The following GRIP1 variants were observed in gnomAD, a reference collection of about 807,000 sequenced individuals.
The protein encoded by GRIP1 is glutamate receptor-interacting protein 1.
Under a neutral mutation model 129.9 loss-of-function variants are expected in GRIP1, and 45 were observed. That is an observed-to-expected ratio of 0.35 (90% CI 0.27 to 0.44). The LOEUF is 0.44. Ranked by LOEUF, GRIP1 falls within the 20% of genes least tolerant of loss-of-function variation. The probability of loss-of-function intolerance (pLI) is 1.00; values close to 1 mark genes in which losing one functional copy is unlikely to be tolerated. For missense variants in GRIP1, 1,196 were observed against 1,396.8 expected, an observed-to-expected ratio of 0.86 and a Z score of 2.29; for synonymous variants, 530 against 520.8, an observed-to-expected ratio of 1.02 and a Z score of -0.24.
rs1024751194 is a variant in GRIP1, at chr12:66,488,357, C to T, written c.725-22935G>A. ...ACACAACTACTTGAAAATTTAACAA[C>T]CTGCTCCTGAGTGACCCTTGGGTAT... On this transcript the variant is annotated intron_variant, in intron 7 of 24. Coordinates refer to ENST00000359742, the MANE Select transcript of GRIP1 (RefSeq NM_001366722.1). 1.7e-4 allele frequency among the ~76,000 whole-genome samples: 26 copies of T among 152,144 alleles called. 1 individual carries two copies. The highest frequency in any genetic ancestry group is 5.5e-4 in the African/African-American group (23 of 41,446).
In GRIP1 at chr12:66,373,632, T is replaced by C. The variant is rs760272314; in HGVS notation, c.2779-1705A>G. On this transcript the variant is annotated intron_variant, in intron 22 of 24. Transcript: ENST00000359742. ...AACAACAGCCAAGTGTTGGCACACA[T>C]GTGCATATATCTAACAACTTTGTTG... Among the ~76,000 whole-genome samples the C allele has an allele frequency of 9.2e-5, 14 of 152,192 alleles. 1 individual carries two copies. Among genetic ancestry groups the C allele is most frequent in the Non-Finnish European group, 2.1e-4 (14 of 68,032 alleles).
intron 1 of GRIP1, among the ~76,000 whole-genome samples, chr12:66,653,955 C>T (rs1309896028): frequency 2.0e-5 from 3 of 152,090 alleles, no homozygotes; most frequent in African/African-American, 7.2e-5. Flanking sequence ...GACTAAAAGC[C>T]TTTCACATGC....
chr12:66,991,557 T>C (rs2135642732), intron 1 of GRIP1, among the ~76,000 whole-genome samples: 1 of 152,288 alleles, frequency 6.6e-6, no homozygotes, highest in East Asian at 1.9e-4. Flanking sequence ...TCTGCAAACA[T>C]CCATCATTTC....
intron 1 of GRIP1, among the ~76,000 whole-genome samples, chr12:66,728,914 C>T (rs1225032232): frequency 6.6e-6 from 1 of 152,156 alleles, no homozygotes; most frequent in African/African-American, 2.4e-5. Context: ...CCCTTCCTCC[C>T]TTCCTTTCTT....
chr12:66,538,571 T>C (rs1363203369), intron 4 of GRIP1, among the ~76,000 whole-genome samples: 2 of 152,168 alleles, frequency 1.3e-5, no homozygotes, highest in Non-Finnish European at 2.9e-5. Context: ...GAGATTGGCA[T>C]ATTGATATAA....
intron 1 of GRIP1, among the ~76,000 whole-genome samples, chr12:66,867,627 C>G (rs2040228611): frequency 6.6e-6 from 1 of 152,020 alleles, no homozygotes; most frequent in South Asian, 2.1e-4. Flanking sequence ...ATAATAAAAA[C>G]AAAATTATTA....
At chr12:67,024,651 A>G (rs1001012112) in intron 1 of GRIP1, among the ~76,000 whole-genome samples, 1 of 152,232 alleles carries the variant, frequency 6.6e-6, no homozygotes, top group African/African-American at 2.4e-5. Flanking sequence ...GTAGATAGGA[A>G]AAGTATTACG....
intron 7 of GRIP1, 92 bp from the exon 8 acceptor site, chr12:66,465,514 A>G (rs2059262315): frequency 1.8e-6 from 2 of 1,117,490 alleles, no homozygotes; most frequent in South Asian, 1.3e-5. Context: ...GTTTGGTGTT[A>G]GCCTGTTAAT....
At chr12:66,996,998 A>G (rs2042476956) in intron 1 of GRIP1, among the ~76,000 whole-genome samples, 1 of 152,178 alleles carries the variant, frequency 6.6e-6, no homozygotes, top group African/African-American at 2.4e-5. Context: ...AGACCTCAGA[A>G]GATGCATTTG....
chr12:66,587,408 A>C (rs1237867696), intron 2 of GRIP1, among the ~76,000 whole-genome samples: 2 of 152,134 alleles, frequency 1.3e-5, no homozygotes, highest in Non-Finnish European at 2.9e-5. Context: ...CACACTCTCT[A>C]CTGTTTACAC....
intron 1 of GRIP1, among the ~76,000 whole-genome samples, chr12:67,001,936 A>T (rs951207187): frequency 2.5e-4 from 38 of 152,080 alleles, no homozygotes; most frequent in African/African-American, 8.5e-4. Flanking sequence ...AGTCATTTAT[A>T]CATTGTTCCA....
intron 1 of GRIP1, among the ~76,000 whole-genome samples, chr12:66,625,117 T>G (rs1380593407): frequency 1.3e-5 from 2 of 152,102 alleles, no homozygotes; most frequent in Non-Finnish European, 2.9e-5. Context: ...TTATCTGTCA[T>G]GACCTTATAC....
chr12:66,445,554 C>T, intron 11 of GRIP1, 46 bp from the exon 12 acceptor site: 1 of 1,359,564 alleles, frequency 7.4e-7, no homozygotes, highest in Non-Finnish European at 1.0e-6. Context: ...GGAGCAAGCA[C>T]CAGGAATACC....
chr12:67,010,486 G>T (rs963505775), intron 1 of GRIP1, among the ~76,000 whole-genome samples: 3 of 152,096 alleles, frequency 2.0e-5, no homozygotes, highest in African/African-American at 7.2e-5. Flanking sequence ...GTACAACTAT[G>T]ACTATACTAC....
Position 66,371,847 on chromosome 12 carries a change from G to T in GRIP1, c.2859C>A (p.Ser953Arg). The T allele has an allele frequency of 1.9e-6, 3 of 1,613,898 alleles. No individual in the cohort carries two copies. The highest frequency in any genetic ancestry group is 2.5e-6 in the Non-Finnish European group (3 of 1,179,976). ...GCCGCGAGCTGCTGCGCTCCTGGAA[G>T]CTGGCCTGTCGCCCCAGCTGACTGC... ...TPRSQLGRQA[S>R]FQERSSSRPH... The change falls in exon 23 of 25, where the codon AGC (serine) becomes AGA (arginine). Residue 953 changes from serine (S) to arginine (R), a missense_variant. By Grantham distance (110) the Ser-to-Arg change is moderately radical (BLOSUM62 -1). Transcript: ENST00000359742.
At chr12:66,368,446 ATGTTTAGCCCGG>A (rs1166152205) in intron 23 of GRIP1, among the ~76,000 whole-genome samples, 5 of 152,202 alleles carry the variant, frequency 3.3e-5, no homozygotes, top group African/African-American at 1.2e-4. Context: ...AACGCCAAGC[ATGTTTAGCCCGG>A]TGTGCTATTC....
chr12:66,378,485 C>T (rs2055926071), intron 20 of GRIP1, among the ~76,000 whole-genome samples: 1 of 151,696 alleles, frequency 6.6e-6, no homozygotes. Flanking sequence ...CGGTGGCTCA[C>T]ACCTGTAATC....
chr12:66,401,626 ACACACACACACAC>A (rs1266545232), intron 16 of GRIP1, among the ~76,000 whole-genome samples: 1 of 148,710 alleles, frequency 6.7e-6, no homozygotes, highest in Non-Finnish European at 1.5e-5. Flanking sequence ...ACACACACAC[ACACACACACACAC>A]ACACACACAC....
chr12:66,371,566 G>T, intron 23 of GRIP1, 128 bp downstream of exon 23: 1 of 733,938 alleles, frequency 1.4e-6, no homozygotes, highest in Non-Finnish European at 2.5e-6. Flanking sequence ...CTGAAGATCT[G>T]TTTTTAAGCT....
Sources: gnomAD v4.1 joint callset for allele counts (sites outside exome capture counted in the v4.1 genomes callset) on GRCh38, gnomAD v4.1.1 for gene constraint, MANE v1.5 for transcripts, NCBI Gene and HGNC (gene_info 2026-07-23, HGNC 2026-07-21) for gene names.